Variants in WDFY4 observed in about 807,000 individuals in gnomAD.
WDFY4 encodes the protein WDFY family member 4.
A neutral mutation model predicts 351.9 loss-of-function variants in WDFY4; 169 were observed. That is an observed-to-expected ratio of 0.48 (90% CI 0.42 to 0.55). WDFY4 has a LOEUF of 0.55. Ranked by LOEUF, WDFY4 falls within the 20% of genes least tolerant of loss-of-function variation. The probability of loss-of-function intolerance (pLI) is 0.00; values close to 1 mark genes in which losing one functional copy is unlikely to be tolerated. For missense variants in WDFY4, 3,803 were observed against 3,935.6 expected (o/e 0.97, Z 0.90); for synonymous variants, 1,622 against 1,574.6 (o/e 1.03, Z -0.71).
At chr10:48,853,837 T>C (rs907030796) in intron 39 of WDFY4, among the ~76,000 whole-genome samples, 1 of 152,204 alleles carries the variant, frequency 6.6e-6, no homozygotes, top group East Asian at 1.9e-4. Context: ...CTCATAGCTA[T>C]CTGTCTGTTC....
At chr10:48,761,747 G>A (rs2065513371) in intron 13 of WDFY4, among the ~76,000 whole-genome samples, 2 of 152,210 alleles carry the variant, frequency 1.3e-5, no homozygotes, top group Non-Finnish European at 2.9e-5. Flanking sequence ...CAGAGTTGAG[G>A]AAGGCCTGGG....
At chr10:48,841,249 A>T (rs2068594789) in intron 39 of WDFY4, among the ~76,000 whole-genome samples, 1 of 152,240 alleles carries the variant, frequency 6.6e-6, no homozygotes, top group Non-Finnish European at 1.5e-5. Flanking sequence ...AATAAGTACT[A>T]TAAGACACAG....
At chr10:48,689,493 G>A (rs1318694430) in intron 1 of WDFY4, among the ~76,000 whole-genome samples, 1 of 152,170 alleles carries the variant, frequency 6.6e-6, no homozygotes, top group Non-Finnish European at 1.5e-5. Context: ...ATTACATAGT[G>A]AAAATATTTT....
At chr10:48,958,144 G>A (rs563071715) in intron 52 of WDFY4, among the ~76,000 whole-genome samples, 1 of 152,200 alleles carries the variant, frequency 6.6e-6, no homozygotes, top group Admixed American at 6.5e-5. Context: ...GTACAGCAGA[G>A]GAGATTAGTC....
rs45626935 is a variant in WDFY4 at position 48,821,232 on chromosome 10, G to A, written c.5824+56G>A. The A allele has an allele frequency of 3.4e-3, 4,701 of 1,382,440 alleles. 30 individuals carry two copies. In the Middle Eastern group the frequency reaches 0.034, roughly 10 times the overall value. 85.6% of individuals were successfully genotyped at this position (1,382,440 alleles called of 1,614,324 possible). On this transcript the variant is annotated intron_variant, in intron 34 of 61. Transcript: ENST00000325239. ...ATGACATGAGGCTGCTGACAGTGGA[G>A]AGGAAACCAGCATGCTGGCCAGGAA...
intron 13 of WDFY4, among the ~76,000 whole-genome samples, chr10:48,765,713 A>G (rs11101464): frequency 0.091 from 13,794 of 152,190 alleles, 739 homozygotes; most frequent in Middle Eastern, 0.18. Context: ...GCCCCCCACC[A>G]AGTTACCTTT....
intron 30 of WDFY4, among the ~76,000 whole-genome samples, chr10:48,812,223 C>G (rs1210203476): frequency 7.5e-6 from 1 of 133,852 alleles, no homozygotes; most frequent in African/African-American, 3.2e-5. Flanking sequence ...CAGAGTCTTA[C>G]TGTGTTACCC....
intron 12 of WDFY4, among the ~76,000 whole-genome samples, chr10:48,759,065 A>T (rs146421285): frequency 6.6e-6 from 1 of 152,050 alleles, no homozygotes; most frequent in African/African-American, 2.4e-5. Context: ...TAAGGTAGGG[A>T]ACTAGCCCAC....
chr10:48,894,214 C>A (rs1444856156), intron 44 of WDFY4, among the ~76,000 whole-genome samples: 2 of 152,312 alleles, frequency 1.3e-5, no homozygotes, highest in East Asian at 3.9e-4. Flanking sequence ...ACTATCTTTT[C>A]TCCTAAAAGC....
At position 48,907,118 on chromosome 10, in the gene WDFY4, G is replaced by A. The variant is rs191103266; in HGVS notation, c.7586+5255G>A. ...CTGCATGAATGGGAGCCTAACATTC[G>A]CACTTATTTTTGTACAGGCATTTCT... On this transcript the variant is annotated intron_variant, in intron 47 of 61. Coordinates refer to ENST00000325239, the MANE Select transcript of WDFY4 (RefSeq NM_001394531.1). Among the ~76,000 whole-genome samples, 470 of 152,160 alleles carry A rather than the reference G, an allele frequency of 3.1e-3. 8 individuals are homozygous for A. The highest frequency in any genetic ancestry group is 6.2e-4 in the South Asian group (3 of 4,806).
intron 1 of WDFY4, among the ~76,000 whole-genome samples, chr10:48,694,968 G>A (rs1163174368): frequency 2.0e-5 from 3 of 152,108 alleles, no homozygotes; most frequent in African/African-American, 7.2e-5. Context: ...CTGGCCCCCT[G>A]CTCCCCCTGA....
intron 31 of WDFY4, among the ~76,000 whole-genome samples, chr10:48,814,361 A>G (rs1199429793): frequency 1.3e-5 from 2 of 152,196 alleles, no homozygotes; most frequent in African/African-American, 4.8e-5. Flanking sequence ...CTTCAGTCAA[A>G]GGGAACATTT....
intron 12 of WDFY4, among the ~76,000 whole-genome samples, chr10:48,752,302 G>T (rs887482293): frequency 6.6e-6 from 1 of 152,130 alleles, no homozygotes; most frequent in African/African-American, 2.4e-5. Flanking sequence ...TTTTTAAAAA[G>T]GTCCTCTTAT....
chr10:48,820,998 G>A lies in WDFY4; in HGVS notation c.5710-64G>A, dbSNP rs575314468. ...AGTGTCCCAGCCAGGCTAGGGAGGC[G>A]GTGGGCACTGGGTGCACACGATGGC... On this transcript the variant is annotated intron_variant, in intron 33 of 61. Coordinates refer to ENST00000325239, the MANE Select transcript of WDFY4 (RefSeq NM_001394531.1). 1.6e-4 allele frequency: 188 copies of A among 1,143,886 alleles called. No homozygotes were observed. The South Asian group carries it at 1.9e-3, about 11-fold the overall frequency. 70.9% of individuals were successfully genotyped at this position (1,143,886 alleles called of 1,614,324 possible).
At chr10:48,766,409 C>A (rs996784117) in intron 13 of WDFY4, among the ~76,000 whole-genome samples, 3 of 152,098 alleles carry the variant, frequency 2.0e-5, no homozygotes, top group African/African-American at 7.2e-5. Context: ...TAGACAACAG[C>A]AAACTCCATC....
Position 48,731,376 on chromosome 10 carries a change from A to G in WDFY4, c.1396A>G (p.Ile466Val). The change falls in exon 9 of 62, where the codon ATC (isoleucine) becomes GTC (valine). Residue 466 changes from isoleucine to valine, a missense_variant. This residue lies in a region of WDFY4 where 261 missense variants were observed against 330.2 expected (regional missense o/e 0.79). Coordinates refer to ENST00000325239, the MANE Select transcript of WDFY4 (RefSeq NM_001394531.1). Reference protein sequence around the residue: ...VFELHYVPHEILRKVQHLIKE... With the variant: ...VFELHYVPHEVLRKVQHLIKE... ...CGAGCTGCACTACGTGCCTCATGAGATCCTGCGAAAGGTACAGCATCTGAT... is the reference window on the plus strand; with the variant it reads ...CGAGCTGCACTACGTGCCTCATGAGGTCCTGCGAAAGGTACAGCATCTGAT... 1 of 1,551,678 alleles carries G rather than the reference A, an allele frequency of 6.4e-7. No homozygotes were observed. Among genetic ancestry groups the G allele is most frequent in the Non-Finnish European group, 8.7e-7 (1 of 1,147,000 alleles).
chr10:48,875,040 A>G, intron 41 of WDFY4, 49 bp from the exon 42 acceptor site: 1 of 1,225,282 alleles, frequency 8.2e-7, no homozygotes, highest in Non-Finnish European at 1.1e-6. Flanking sequence ...AGTGAAGCAT[A>G]GATGTAGCAT....
intron 12 of WDFY4, among the ~76,000 whole-genome samples, chr10:48,751,754 C>A (rs1303362144): frequency 1.3e-5 from 2 of 152,134 alleles, no homozygotes; most frequent in East Asian, 1.9e-4. Flanking sequence ...TTGATAGAGT[C>A]CACATAGGGG....
intron 47 of WDFY4, among the ~76,000 whole-genome samples, chr10:48,929,392 T>C (rs550246442): frequency 1.3e-5 from 2 of 152,236 alleles, no homozygotes; most frequent in African/African-American, 2.4e-5. Context: ...CAGGAAGCTA[T>C]TGTGTCCTGG....
Sources: gnomAD v4.1 joint callset for allele counts (sites outside exome capture counted in the v4.1 genomes callset) on GRCh38, gnomAD v4.1.1 for gene constraint, gnomAD v4.1.1 regional missense constraint, MANE v1.5 for transcripts, NCBI Gene and HGNC (gene_info 2026-07-23, HGNC 2026-07-21) for gene names.